ASTN1: variants seen among roughly 807,000 people sequenced by gnomAD.
The protein encoded by ASTN1 is astrotactin-1.
ASTN1 carries 41 observed loss-of-function variants against 140.7 expected under a neutral mutation model. That is an observed-to-expected ratio of 0.29 (90% CI 0.23 to 0.38). ASTN1 has a LOEUF of 0.38. ASTN1 is among the 10% of genes least tolerant of loss of function. ASTN1 has a pLI of 1.00. For synonymous variants in ASTN1, 640 were observed against 652.2 expected, an observed-to-expected ratio of 0.98 and a Z score of 0.29; for missense variants, 1,479 against 1,678.8, an observed-to-expected ratio of 0.88 and a Z score of 2.08.
intron 2 of ASTN1, among the ~76,000 whole-genome samples, chr1:177,034,550 C>T (rs1214716309): frequency 6.6e-6 from 1 of 152,102 alleles, no homozygotes; most frequent in Admixed American, 6.5e-5. Context: ...ACCTCCACTC[C>T]CATCCATCCT....
At chr1:177,163,996 T>C (rs1173251153) in intron 1 of ASTN1, among the ~76,000 whole-genome samples, 1 of 151,820 alleles carries the variant, frequency 6.6e-6, no homozygotes, top group Non-Finnish European at 1.5e-5. Flanking sequence ...CCAGAGTGAG[T>C]GAAGCAAAGA....
intron 1 of ASTN1, among the ~76,000 whole-genome samples, chr1:177,071,918 A>G (rs1323873772): frequency 6.6e-6 from 1 of 152,172 alleles, no homozygotes; most frequent in Non-Finnish European, 1.5e-5. Flanking sequence ...AGAATACCTT[A>G]TTATCATCCC....
intron 16 of ASTN1, among the ~76,000 whole-genome samples, chr1:176,910,694 A>G (rs373106401): frequency 3.3e-5 from 5 of 152,316 alleles, no homozygotes; most frequent in African/African-American, 1.2e-4. Context: ...ACCTAGGTAT[A>G]TGGTGTAGCA....
chr1:176,894,713 C>T lies in ASTN1; in HGVS notation c.2789G>A (p.Arg930His), dbSNP rs778594879. 2.7e-5 allele frequency: 43 copies of T among 1,613,958 alleles called. No homozygotes were observed. The highest frequency in any genetic ancestry group is 3.3e-4 in the Middle Eastern group (2 of 6,084). The change falls in exon 17 of 23, where the codon CGC (arginine) becomes CAC (histidine). Residue 930 changes from arginine (R) to histidine (H), a missense_variant. By Grantham distance (29) the Arg-to-His change is conservative (BLOSUM62 0). This residue lies in a region of ASTN1 where 746 missense variants were observed against 800.9 expected (regional missense o/e 0.93). Coordinates refer to ENST00000361833, the MANE Select transcript of ASTN1 (RefSeq NM_004319.3). Reference sequence around the variant, plus strand: ...TCGTCCCTTGCTGTGGCACTCCATGCGGACTCCAGCCGCCATGTGCTTGGT... The same window carrying T: ...TCGTCCCTTGCTGTGGCACTCCATGTGGACTCCAGCCGCCATGTGCTTGGT... ...SGTKHMAAGV[R>H]MECHSKGRCP...
At chr1:176,893,955 G>A (rs1185228839) in intron 17 of ASTN1, among the ~76,000 whole-genome samples, 1 of 152,166 alleles carries the variant, frequency 6.6e-6, no homozygotes. Flanking sequence ...GAGAGGCAGA[G>A]GCAAAGGAGG....
At position 177,076,803 on chromosome 1, in the gene ASTN1, G is replaced by A. The variant is rs542130780; in HGVS notation, c.284-15538C>T. Among the ~76,000 whole-genome samples, 9 of 152,222 alleles carry A rather than the reference G, an allele frequency of 5.9e-5. No individual in the cohort carries two copies. The South Asian group carries it at 1.0e-3, about 18-fold the overall frequency. ...CTCCCAAAGTGCTGGGATTACAGGC[G>A]TGAGCCACCACACCTGGCCTTAGAG... On this transcript the variant is annotated intron_variant, in intron 1 of 22. Transcript: ENST00000361833.
At position 177,090,018 on chromosome 1, in the gene ASTN1, A is replaced by AAC. The variant is rs895662098; in HGVS notation, c.284-28755_284-28754dup. ...GTACACACATGTAAAACACACACAC[A>AAC]ACACACACACACACCCCCCTCAATC... On this transcript the variant is annotated intron_variant, in intron 1 of 22. Transcript: ENST00000361833. 7.9e-5 allele frequency among the ~76,000 whole-genome samples: 12 copies of AAC among 151,326 alleles called. No individual in the cohort carries two copies. The South Asian group carries it at 1.3e-3, about 16-fold the overall frequency.
intron 16 of ASTN1, among the ~76,000 whole-genome samples, chr1:176,926,607 A>G (rs1003119536): frequency 1.3e-5 from 2 of 152,180 alleles, no homozygotes; most frequent in African/African-American, 2.4e-5. Flanking sequence ...CTCAGCGAAC[A>G]TTTGTTGAAT....
chr1:177,080,867 A>C (rs1679145459), intron 1 of ASTN1, among the ~76,000 whole-genome samples: 2 of 152,180 alleles, frequency 1.3e-5, no homozygotes, highest in Admixed American at 6.5e-5. Context: ...TTCATTTGTT[A>C]GGGTAGATAA....
At chr1:177,093,586 T>C (rs1337480989) in intron 1 of ASTN1, among the ~76,000 whole-genome samples, 1 of 152,092 alleles carries the variant, frequency 6.6e-6, no homozygotes, top group Non-Finnish European at 1.5e-5. Flanking sequence ...CTTTTGCCCT[T>C]TGTGTAAAAA....
intron 1 of ASTN1, among the ~76,000 whole-genome samples, chr1:177,096,182 T>C (rs1448721245): frequency 1.3e-5 from 2 of 152,176 alleles, no homozygotes; most frequent in Non-Finnish European, 2.9e-5. Context: ...TTCACAGCTG[T>C]AGAGAAATTT....
Position 177,151,262 on chromosome 1 carries a change from A to C in ASTN1, c.283+13132T>G, listed in dbSNP as rs145394475. On this transcript the variant is annotated intron_variant, in intron 1 of 22. Coordinates refer to ENST00000361833, the MANE Select transcript of ASTN1 (RefSeq NM_004319.3). ...GCTATTTTTCAAAAACAAAACAAAAAAAAATCTATTCTCTCTTTCTTTCTA... is the reference window on the plus strand; with the variant it reads ...GCTATTTTTCAAAAACAAAACAAAACAAAATCTATTCTCTCTTTCTTTCTA... Among the ~76,000 whole-genome samples, 840 of 152,256 alleles carry C rather than the reference A, an allele frequency of 5.5e-3. 5 individuals are homozygous for C. The highest frequency in any genetic ancestry group is 0.01 in the Middle Eastern group (3 of 294).
intron 11 of ASTN1, 31 bp downstream of exon 11, chr1:176,957,647 C>G (rs766114766): frequency 1.9e-6 from 3 of 1,608,850 alleles, no homozygotes; most frequent in Admixed American, 1.7e-5. Flanking sequence ...CATCCTCAAA[C>G]AGAAACTACT....
chr1:177,119,205 A>T (rs982176249), intron 1 of ASTN1, among the ~76,000 whole-genome samples: 3 of 152,296 alleles, frequency 2.0e-5, no homozygotes, highest in African/African-American at 7.2e-5. Context: ...CAGTGCCCTC[A>T]TCAATGTCAA....
chr1:176,863,916 A>G lies in ASTN1; in HGVS notation c.*368T>C. 5 of 1,043,296 alleles carry G rather than the reference A, an allele frequency of 4.8e-6. No homozygotes were observed. Among genetic ancestry groups the G allele is most frequent in the Non-Finnish European group, 5.8e-6 (5 of 864,426 alleles). The allele number at this position is 1,043,296 out of a possible 1,614,324, so 64.6% of individuals were successfully genotyped here. A position where few individuals can be genotyped will look rare whatever the true frequency, so the allele number is the denominator to read the frequency against. On this transcript the variant is annotated 3_prime_UTR_variant, in exon 23 of 23. Transcript: ENST00000361833. ...TTGCAATGGATTTAGGAACTGAGTG[A>G]GCACAGGGTGCCTACTTAATAGACT...
intron 8 of ASTN1, among the ~76,000 whole-genome samples, chr1:177,002,164 A>G (rs751069527): frequency 1.3e-5 from 2 of 152,162 alleles, no homozygotes; most frequent in African/African-American, 4.8e-5. Context: ...TCAAAATAAC[A>G]ATGCTAGTCT....
chr1:177,032,390 C>G, intron 3 of ASTN1, 66 bp downstream of exon 3: 1 of 1,563,282 alleles, frequency 6.4e-7, no homozygotes, highest in African/African-American at 1.3e-5. Flanking sequence ...CACAGCTGTT[C>G]CTACCCACTC....
At chr1:177,028,863 T>C (rs1676270200) in intron 5 of ASTN1, among the ~76,000 whole-genome samples, 1 of 152,126 alleles carries the variant, frequency 6.6e-6, no homozygotes, top group South Asian at 2.1e-4. Context: ...TCAGAGAACT[T>C]GTTGTTCTTA....
intron 16 of ASTN1, among the ~76,000 whole-genome samples, chr1:176,899,229 G>T (rs575727702): frequency 6.6e-6 from 1 of 152,328 alleles, no homozygotes; most frequent in Admixed American, 6.5e-5. Flanking sequence ...GAATATTGTG[G>T]TATGAGAATA....
Sources: allele counts gnomAD v4.1 joint callset (sites outside exome capture counted in the v4.1 genomes callset), GRCh38; gene constraint gnomAD v4.1.1; regional missense constraint gnomAD v4.1.1; transcripts MANE v1.5; gene names NCBI Gene and HGNC (gene_info 2026-07-23, HGNC 2026-07-21).